Variants in NSMCE2 observed in about 807,000 individuals in gnomAD.
The protein encoded by NSMCE2 is E3 SUMO-protein ligase NSE2.
Under a neutral mutation model 23.8 loss-of-function variants are expected in NSMCE2, and 24 were observed. The ratio of observed to expected loss-of-function variants is 1.01; its 90% CI spans 0.73 to 1.42. NSMCE2 has a LOEUF of 1.42. NSMCE2 is among the 40% of genes most tolerant of loss of function. NSMCE2 has a pLI of 0.00. For synonymous variants in NSMCE2, 92 were observed against 94.1 expected (o/e 0.98, Z 0.13); for missense variants, 284 against 296.5 (o/e 0.96, Z 0.31).
chr8:125,129,576 GTGTC>G (rs1819660089), intron 3 of NSMCE2, among the ~76,000 whole-genome samples: 1 of 151,402 alleles, frequency 6.6e-6, no homozygotes, highest in Non-Finnish European at 1.5e-5. Flanking sequence ...GTGTGTGTGT[GTGTC>G]TGTGTGTTTC....
At chr8:125,317,444 G>T (rs1052385594) in intron 5 of NSMCE2, among the ~76,000 whole-genome samples, 9 of 152,004 alleles carry the variant, frequency 5.9e-5, no homozygotes, top group African/African-American at 1.9e-4. Context: ...TGATCCACCC[G>T]CCTTGGCCTC....
chr8:125,322,813 T>A (rs149099116), intron 5 of NSMCE2, among the ~76,000 whole-genome samples: 1 of 152,302 alleles, frequency 6.6e-6, no homozygotes, highest in East Asian at 1.9e-4. Context: ...CTAGCAACAA[T>A]CAGAATTTAA....
At chr8:125,185,494 C>T (rs942423635) in intron 5 of NSMCE2, among the ~76,000 whole-genome samples, 3 of 151,884 alleles carry the variant, frequency 2.0e-5, no homozygotes, top group Non-Finnish European at 2.9e-5. Flanking sequence ...TTGGTAGAGA[C>T]GAGGTTTTGC....
chr8:125,268,869 G>A (rs1827055299), intron 5 of NSMCE2, among the ~76,000 whole-genome samples: 1 of 152,146 alleles, frequency 6.6e-6, no homozygotes, highest in South Asian at 2.1e-4. Flanking sequence ...GTAGTCTTGA[G>A]CTTAGAAAAT....
chr8:125,316,170 G>A (rs1829170784), intron 5 of NSMCE2, among the ~76,000 whole-genome samples: 1 of 152,170 alleles, frequency 6.6e-6, no homozygotes. Context: ...CAAGTGAATA[G>A]CATGTCTTCT....
intron 7 of NSMCE2, among the ~76,000 whole-genome samples, chr8:125,365,203 G>C (rs969037523): frequency 1.3e-5 from 2 of 152,082 alleles, no homozygotes; most frequent in Non-Finnish European, 2.9e-5. Context: ...GTGGTTCTGT[G>C]CTGCAGCCTG....
At chr8:125,167,889 T>C (rs1271077120) in intron 4 of NSMCE2, among the ~76,000 whole-genome samples, 1 of 152,158 alleles carries the variant, frequency 6.6e-6, no homozygotes, top group Non-Finnish European at 1.5e-5. Context: ...TAGACAGAAC[T>C]TTAATCCTTG....
chr8:125,111,803 G>GA (rs973998185), intron 3 of NSMCE2, among the ~76,000 whole-genome samples: 101 of 150,590 alleles, frequency 6.7e-4, no homozygotes, highest in Admixed American at 2.3e-3. Flanking sequence ...GTGTCTCAAA[G>GA]AAAAAAAAAT....
intron 4 of NSMCE2, among the ~76,000 whole-genome samples, chr8:125,171,276 G>A (rs550446110): frequency 6.6e-6 from 1 of 152,292 alleles, no homozygotes; most frequent in Admixed American, 6.5e-5. Flanking sequence ...GGCAGGAACT[G>A]GTTCTCTTGA....
intron 5 of NSMCE2, among the ~76,000 whole-genome samples, chr8:125,187,165 G>C (rs770547287): frequency 5.3e-5 from 8 of 152,170 alleles, no homozygotes; most frequent in Non-Finnish European, 2.9e-5. Context: ...ACTTGGATTT[G>C]AGTCACTTAA....
At chr8:125,283,744 C>T (rs1827783121) in intron 5 of NSMCE2, among the ~76,000 whole-genome samples, 1 of 152,218 alleles carries the variant, frequency 6.6e-6, no homozygotes, top group African/African-American at 2.4e-5. Context: ...GCAGTGCCCT[C>T]ATGACACAGC....
intron 3 of NSMCE2, among the ~76,000 whole-genome samples, chr8:125,138,595 T>G (rs896718762): frequency 3.9e-5 from 6 of 152,164 alleles, no homozygotes; most frequent in African/African-American, 1.4e-4. Context: ...AATAGTAGTA[T>G]TATCATAGTC....
intron 5 of NSMCE2, among the ~76,000 whole-genome samples, chr8:125,346,683 G>C (rs530820580): frequency 1.8e-4 from 27 of 152,264 alleles, no homozygotes; most frequent in African/African-American, 5.8e-4. Flanking sequence ...ATTAAATGCA[G>C]GTGCTCAGTT....
At chr8:125,350,036 A>G (rs917509053) in intron 5 of NSMCE2, among the ~76,000 whole-genome samples, 5 of 152,132 alleles carry the variant, frequency 3.3e-5, no homozygotes, top group African/African-American at 1.2e-4. Flanking sequence ...TTGTTGGATG[A>G]GGCACTTTGC....
chr8:125,172,951 AGTT>A (rs1338659885), intron 4 of NSMCE2, among the ~76,000 whole-genome samples: 1 of 152,080 alleles, frequency 6.6e-6, no homozygotes, highest in East Asian at 1.9e-4. Context: ...GGAGGCTTTG[AGTT>A]GTTGGTGGTC....
chr8:125,105,385 G>A (rs1459432438), intron 3 of NSMCE2, among the ~76,000 whole-genome samples: 1 of 151,944 alleles, frequency 6.6e-6, no homozygotes, highest in Non-Finnish European at 1.5e-5. Context: ...AGAGAAGACT[G>A]GAACATAACC....
chr8:125,290,171 C>T (rs575774076), intron 5 of NSMCE2, among the ~76,000 whole-genome samples: 1 of 152,214 alleles, frequency 6.6e-6, no homozygotes, highest in Non-Finnish European at 1.5e-5. Context: ...AAAAACTCCA[C>T]TTTCTGGTAG....
chr8:125,110,343 T>G (rs78921697), intron 3 of NSMCE2, among the ~76,000 whole-genome samples: 3,545 of 152,326 alleles, frequency 0.023, 114 homozygotes, highest in South Asian at 0.15. Flanking sequence ...TTGCTTTTCT[T>G]TCTGTGATTT....
At chr8:125,263,272 A>C (rs1307539310) in intron 5 of NSMCE2, among the ~76,000 whole-genome samples, 1 of 152,108 alleles carries the variant, frequency 6.6e-6, no homozygotes, top group Non-Finnish European at 1.5e-5. Flanking sequence ...TTTCCCAGGG[A>C]TCTATGTAGG....
Sources: allele counts gnomAD v4.1 joint callset (sites outside exome capture counted in the v4.1 genomes callset), GRCh38; gene constraint gnomAD v4.1.1; transcripts MANE v1.5; gene names NCBI Gene and HGNC (gene_info 2026-07-23, HGNC 2026-07-21).